Variants in MAP1B observed in about 807,000 individuals in gnomAD.
MAP1B encodes the protein microtubule associated protein 1B.
In MAP1B, 12 loss-of-function variants were observed where a neutral mutation model predicts 176.1. The observed-to-expected ratio is 0.07, with a 90% CI of 0.04 to 0.11. MAP1B has a LOEUF of 0.11. MAP1B is among the 10% of genes least tolerant of loss of function. The pLI is 1.00. For missense variants in MAP1B, 2,523 were observed against 2,990.5 expected (o/e 0.84, Z 3.65); for synonymous variants, 1,044 against 1,135.0 (o/e 0.92, Z 1.61).
At chr5:72,176,709 C>A (rs1421930416) in intron 2 of MAP1B, among the ~76,000 whole-genome samples, 1 of 152,150 alleles carries the variant, frequency 6.6e-6, no homozygotes, top group South Asian at 2.1e-4. Flanking sequence ...AGGGATGGCA[C>A]CTGGCACATA....
intron 2 of MAP1B, among the ~76,000 whole-genome samples, chr5:72,130,221 CTTAAA>C (rs1386609005): frequency 6.6e-6 from 1 of 151,078 alleles, no homozygotes; most frequent in African/African-American, 2.4e-5. Flanking sequence ...GACGAAAGGG[CTTAAA>C]TTAAATAATC....
At chr5:72,170,132 TG>T (rs1171703291) in intron 2 of MAP1B, among the ~76,000 whole-genome samples, 37 of 152,336 alleles carry the variant, frequency 2.4e-4, no homozygotes, top group African/African-American at 7.2e-4. Context: ...ACATCAGCAT[TG>T]TAAATTACCA....
intron 2 of MAP1B, among the ~76,000 whole-genome samples, chr5:72,123,346 C>T (rs1052577138): frequency 3.9e-5 from 6 of 152,124 alleles, no homozygotes; most frequent in African/African-American, 1.4e-4. Context: ...CTCTGTCACC[C>T]AGGCTGGAGT....
chr5:72,168,787 G>C (rs903934016), intron 2 of MAP1B, among the ~76,000 whole-genome samples: 7 of 152,220 alleles, frequency 4.6e-5, no homozygotes, highest in African/African-American at 1.7e-4. Context: ...TCTCAGGAGA[G>C]CTACGTCTGT....
chr5:72,179,555 G>C, intron 2 of MAP1B: 1 of 939,280 alleles, frequency 1.1e-6, no homozygotes, highest in South Asian at 4.9e-5. Flanking sequence ...CCGCCCGCCT[G>C]CCGCAGGAAA....
intron 2 of MAP1B, among the ~76,000 whole-genome samples, chr5:72,135,403 C>CT (rs1414127715): frequency 6.6e-6 from 1 of 152,072 alleles, no homozygotes; most frequent in Non-Finnish European, 1.5e-5. Context: ...TGGTGGTTTT[C>CT]TTTTTTTCTC....
chr5:72,151,104 T>C (rs913197594), intron 2 of MAP1B, among the ~76,000 whole-genome samples: 1 of 152,144 alleles, frequency 6.6e-6, no homozygotes, highest in Non-Finnish European at 1.5e-5. Context: ...TGGCATCTGC[T>C]TGGCTTCTGG....
intron 2 of MAP1B, among the ~76,000 whole-genome samples, chr5:72,166,386 A>G (rs1746429287): frequency 6.6e-6 from 1 of 152,188 alleles, no homozygotes; most frequent in African/African-American, 2.4e-5. Flanking sequence ...GGAGTATTCC[A>G]GGATCCCGGT....
Position 72,115,802 on chromosome 5 carries a change from G to A in MAP1B, c.286+3G>A. The A allele has an allele frequency of 6.2e-7, 1 of 1,605,050 alleles. No homozygotes were observed. Among genetic ancestry groups the A allele is most frequent in the Non-Finnish European group, 8.5e-7 (1 of 1,171,792 alleles). On this transcript the variant is annotated splice_donor_region_variant and intron_variant, in intron 2 of 6. Coordinates refer to ENST00000296755, the MANE Select transcript of MAP1B (RefSeq NM_005909.5). ...AAGATTCTCTCCTGAAGTCCCAGGTGAGGCTTCCGCTCAGTGTTGGTCAGC... is the reference window on the plus strand; with the variant it reads ...AAGATTCTCTCCTGAAGTCCCAGGTAAGGCTTCCGCTCAGTGTTGGTCAGC...
At chr5:72,201,868 T>A (rs986950376) in intron 5 of MAP1B, among the ~76,000 whole-genome samples, 14 of 152,354 alleles carry the variant, frequency 9.2e-5, no homozygotes, top group African/African-American at 3.4e-4. Flanking sequence ...AATTTTTTCA[T>A]GTTTAAAATG....
At chr5:72,150,980 G>A (rs937099884) in intron 2 of MAP1B, among the ~76,000 whole-genome samples, 1 of 152,098 alleles carries the variant, frequency 6.6e-6, no homozygotes, top group African/African-American at 2.4e-5. Context: ...GATAAATGGG[G>A]GTGTCTTGGT....
chr5:72,161,188 C>T (rs1381702121), intron 2 of MAP1B, among the ~76,000 whole-genome samples: 5 of 152,150 alleles, frequency 3.3e-5, no homozygotes, highest in Non-Finnish European at 7.3e-5. Context: ...AGCCTCCATG[C>T]CAGATGCATG....
At chr5:72,175,896 C>G (rs1281676735) in intron 2 of MAP1B, among the ~76,000 whole-genome samples, 1 of 152,202 alleles carries the variant, frequency 6.6e-6, no homozygotes, top group Non-Finnish European at 1.5e-5. Flanking sequence ...TTGTCTAACT[C>G]ACAAGCAATG....
chr5:72,115,568 C>A, intron 1 of MAP1B, 130 bp from the exon 2 acceptor site: 1 of 654,082 alleles, frequency 1.5e-6, no homozygotes, highest in Non-Finnish European at 2.8e-6. Flanking sequence ...ACTGCTAAGC[C>A]ACCAAGCTCT....
In MAP1B at chr5:72,181,659, T is replaced by C. The variant is rs148421964; in HGVS notation, c.287-2084T>C. On this transcript the variant is annotated intron_variant, in intron 2 of 6. Transcript: ENST00000296755. ...TGCAGCCTCGACCTTCTGGGCTCCA[T>C]TGATTCTCCTGCCTCAGCCTCCCAT... 4.3e-3 allele frequency among the ~76,000 whole-genome samples: 656 copies of C among 151,926 alleles called. 7 individuals are homozygous for C. The Middle Eastern group carries it at 0.061, about 14-fold the overall frequency.
At position 72,204,459 on chromosome 5, in the gene MAP1B, G is replaced by A. The variant is rs1298851784; in HGVS notation, c.7252-625G>A. On this transcript the variant is annotated intron_variant, in intron 6 of 6. Coordinates refer to ENST00000296755, the MANE Select transcript of MAP1B (RefSeq NM_005909.5). The surrounding 1 kb of genome is among the most constrained non-coding windows in gnomAD (Gnocchi z 4.4). Reference sequence around the variant, plus strand: ...CTTATCAAGTTTTATTTGTGGTTCTGTACAAAATTACCTAGTAAATTGTGC... The same window carrying A: ...CTTATCAAGTTTTATTTGTGGTTCTATACAAAATTACCTAGTAAATTGTGC... 1.3e-5 allele frequency among the ~76,000 whole-genome samples: 2 copies of A among 152,148 alleles called. No individual in the cohort carries two copies. The highest frequency in any genetic ancestry group is 2.4e-5 in the African/African-American group (1 of 41,416).
chr5:72,131,540 CTGAGT>C (rs1432662607), intron 2 of MAP1B, among the ~76,000 whole-genome samples: 4 of 152,118 alleles, frequency 2.6e-5, no homozygotes, highest in Admixed American at 1.3e-4. Flanking sequence ...CTACTCTGCT[CTGAGT>C]TAAGAATAAA....
chr5:72,139,289 A>G (rs1290616501), intron 2 of MAP1B, among the ~76,000 whole-genome samples: 3 of 152,214 alleles, frequency 2.0e-5, no homozygotes, highest in Admixed American at 6.5e-5. Flanking sequence ...CTGTGCCTCC[A>G]TATCAAACCT....
At position 72,195,697 on chromosome 5, in the gene MAP1B, A is replaced by G. The variant is rs760217879; in HGVS notation, c.2342A>G (p.Lys781Arg). 6.2e-7 allele frequency: 1 copy of G among 1,614,106 alleles called. No individual in the cohort carries two copies. Among genetic ancestry groups the G allele is most frequent in the Non-Finnish European group, 8.5e-7 (1 of 1,180,042 alleles). The change falls in exon 5 of 7, where the codon AAA becomes AGA. Residue 781 changes from lysine (K) to arginine (R), a missense_variant. Physicochemically the swap from Lys to Arg is conservative, Grantham distance 26 (BLOSUM62 2). Around this residue, in one of 4 missense-constraint regions of MAP1B, gnomAD observed 1,925 missense variants for 2,126.0 expected, o/e 0.91. Transcript: ENST00000296755. ...VAAGKPKEKG[K>R]IKVIKKEGKA... ...GCCGGAAAGCCAAAGGAGAAGGGGA[A>G]AATAAAAGTCATTAAGAAGGAAGGC...
Sources: allele counts gnomAD v4.1 joint callset (sites outside exome capture counted in the v4.1 genomes callset), GRCh38; gene constraint gnomAD v4.1.1; regional missense constraint gnomAD v4.1.1; non-coding constraint Gnocchi (gnomAD v3.1); transcripts MANE v1.5; gene names NCBI Gene and HGNC (gene_info 2026-07-23, HGNC 2026-07-21).